Variants in LARP1B observed in about 807,000 individuals in gnomAD.
The protein encoded by LARP1B is La ribonucleoprotein 1B.
LARP1B carries 76 observed loss-of-function variants against 114.2 expected under a neutral mutation model. That is an observed-to-expected ratio of 0.67 (90% CI 0.55 to 0.81). The LOEUF (loss-of-function observed/expected upper bound fraction) is 0.81, where lower values mean the gene tolerates loss of function less well. Ranked by LOEUF, LARP1B falls within the 30% of genes least tolerant of loss-of-function variation. The probability of loss-of-function intolerance (pLI) is 0.00; values close to 1 mark genes in which losing one functional copy is unlikely to be tolerated. For synonymous variants in LARP1B, 345 were observed against 348.0 expected (o/e 0.99, Z 0.10); for missense variants, 1,014 against 1,075.8 (o/e 0.94, Z 0.80).
intron 9 of LARP1B, chr4:128,108,857 C>T (rs1782989214): frequency 1.0e-6 from 1 of 977,986 alleles, no homozygotes; most frequent in Non-Finnish European, 1.2e-6. Flanking sequence ...AATGCCTGTC[C>T]ATTAACCATT....
intron 1 of LARP1B, among the ~76,000 whole-genome samples, chr4:128,068,148 G>A (rs1173887260): frequency 6.6e-6 from 1 of 152,168 alleles, no homozygotes; most frequent in Non-Finnish European, 1.5e-5. Flanking sequence ...CCAAAGTGCT[G>A]GGATTATAGG....
intron 5 of LARP1B, among the ~76,000 whole-genome samples, chr4:128,085,288 GGA>G (rs1772976527): frequency 6.6e-6 from 1 of 150,832 alleles, no homozygotes; most frequent in African/African-American, 2.4e-5. Flanking sequence ...TGTAATTTGT[GGA>G]GAGAGGCTTT....
At chr4:128,170,126 G>A (rs1742925168) in intron 12 of LARP1B, among the ~76,000 whole-genome samples, 1 of 151,912 alleles carries the variant, frequency 6.6e-6, no homozygotes, top group African/African-American at 2.4e-5. Flanking sequence ...TTACCCCTCT[G>A]TTATTAATCT....
intron 19 of LARP1B, 126 bp downstream of exon 19, chr4:128,207,509 T>C (rs1156988565): frequency 3.6e-6 from 2 of 556,492 alleles, no homozygotes; most frequent in Admixed American, 4.1e-5. Flanking sequence ...AATTAAACTT[T>C]GAAATAGATA....
chr4:128,110,058 C>T (rs189483763), intron 9 of LARP1B, among the ~76,000 whole-genome samples: 1 of 152,180 alleles, frequency 6.6e-6, no homozygotes. Flanking sequence ...TGTGTGCCAC[C>T]ACGCTTGGCT....
chr4:128,172,547 G>A (rs925052926), intron 12 of LARP1B, among the ~76,000 whole-genome samples: 7 of 151,892 alleles, frequency 4.6e-5, no homozygotes, highest in African/African-American at 1.5e-4. Flanking sequence ...ACAAAAATTC[G>A]CTGGGTGTGG....
At chr4:128,189,324 C>CTTTTT (rs70966089) in intron 15 of LARP1B, among the ~76,000 whole-genome samples, 3 of 6,822 alleles carry the variant, frequency 4.4e-4, no homozygotes, top group Admixed American at 2.6e-3. Flanking sequence ...AGTATGGCTA[C>CTTTTT]TTTTTTTTTT....
intron 8 of LARP1B, among the ~76,000 whole-genome samples, chr4:128,099,703 G>A (rs1779576808): frequency 6.6e-6 from 1 of 150,674 alleles, no homozygotes; most frequent in Non-Finnish European, 1.5e-5. Context: ...GATCTTTATA[G>A]GGATATATAT....
intron 19 of LARP1B, 139 bp from the exon 20 acceptor site, chr4:128,209,717 C>T (rs1375689444): frequency 5.3e-6 from 3 of 570,570 alleles, no homozygotes; most frequent in Non-Finnish European, 8.7e-6. Flanking sequence ...AATGAGACTC[C>T]ATCAAAAAAA....
At chr4:128,164,638 C>T (rs1739931647) in intron 12 of LARP1B, among the ~76,000 whole-genome samples, 1 of 152,046 alleles carries the variant, frequency 6.6e-6, no homozygotes, top group Non-Finnish European at 1.5e-5. Flanking sequence ...TAGCAATACG[C>T]CATATTATAA....
At chr4:128,222,583 T>C (rs1002873281) in exon 8 of LARP1B, 1 of 273,410 alleles carries the variant, frequency 3.7e-6, no homozygotes, top group African/African-American at 2.2e-5. Context: ...AACAAAAATT[T>C]ACCTCCCACC....
In LARP1B at chr4:128,107,217, C is replaced by T; in HGVS notation, c.892C>T (p.Pro298Ser). The change falls in exon 9 of 20, where the codon CCA becomes TCA. Residue 298 changes from proline to serine, a missense_variant. Coordinates refer to ENST00000326639, the MANE Select transcript of LARP1B (RefSeq NM_018078.4). Reference protein sequence around the residue: ...KKIEPEKWPIPGPPPRSVPPT... With the variant: ...KKIEPEKWPISGPPPRSVPPT... ...GATAGAACCAGAAAAATGGCCAATT[C>T]CAGGCCCTCCTCCACGCAGTGTGCC... 1 of 1,614,002 alleles carries T rather than the reference C, an allele frequency of 6.2e-7. No individual in the cohort carries two copies.
At chr4:128,063,894 A>AT (rs1218492487) in intron 1 of LARP1B, among the ~76,000 whole-genome samples, 1 of 152,084 alleles carries the variant, frequency 6.6e-6, no homozygotes, top group Non-Finnish European at 1.5e-5. Flanking sequence ...TTTATTTAAA[A>AT]TTAAAGGTTA....
chr4:128,077,655 G>A, intron 3 of LARP1B, 133 bp from the exon 4 acceptor site: 1 of 896,980 alleles, frequency 1.1e-6, no homozygotes, highest in Non-Finnish European at 1.6e-6. Flanking sequence ...CTTTTGAAAA[G>A]TAATTTTTTG....
chr4:128,114,803 A>G (rs1001977959), intron 10 of LARP1B, 61 bp downstream of exon 10: 3 of 1,460,968 alleles, frequency 2.1e-6, no homozygotes, highest in African/African-American at 2.8e-5. Context: ...AGGTCAGTGC[A>G]CTTTATGTTT....
intron 8 of LARP1B, among the ~76,000 whole-genome samples, chr4:128,099,159 GAA>G (rs199577286): frequency 5.4e-5 from 8 of 147,148 alleles, no homozygotes; most frequent in African/African-American, 2.0e-4. Flanking sequence ...GCACTTTGGG[GAA>G]AAAAAAAATC....
At chr4:128,096,694 A>G (rs1007038027) in intron 7 of LARP1B, among the ~76,000 whole-genome samples, 2 of 150,046 alleles carry the variant, frequency 1.3e-5, no homozygotes, top group South Asian at 2.1e-4. Context: ...TCCGCCTCCC[A>G]GGTTCACGCC....
chr4:128,155,460 C>G (rs1311851410), intron 11 of LARP1B: 13 of 752,816 alleles, frequency 1.7e-5, no homozygotes, highest in Non-Finnish European at 3.1e-5. Context: ...CGCGCAGCCC[C>G]CCGGCCGCAG....
intron 1 of LARP1B, among the ~76,000 whole-genome samples, chr4:128,065,612 GTT>G (rs1762509499): frequency 6.6e-6 from 1 of 151,848 alleles, no homozygotes; most frequent in Non-Finnish European, 1.5e-5. Flanking sequence ...GAAACATACT[GTT>G]TTGAGAGACT....
Sources: allele counts gnomAD v4.1 joint callset (sites outside exome capture counted in the v4.1 genomes callset), GRCh38; gene constraint gnomAD v4.1.1; transcripts MANE v1.5; gene names NCBI Gene and HGNC (gene_info 2026-07-23, HGNC 2026-07-21).